The following ARNT2 variants were observed in gnomAD, a reference collection of about 807,000 sequenced individuals.
The protein encoded by ARNT2 is ARNT protein 2.
ARNT2 carries 36 observed loss-of-function variants against 91.7 expected under a neutral mutation model. The observed-to-expected ratio is 0.39, with a 90% CI of 0.30 to 0.52. ARNT2 has a LOEUF of 0.52. Ranked by LOEUF, ARNT2 falls within the 20% of genes least tolerant of loss-of-function variation. The pLI, the probability that ARNT2 is intolerant of heterozygous loss-of-function variation, is 0.72. For missense variants in ARNT2, 775 were observed against 939.3 expected, an observed-to-expected ratio of 0.83 and a Z score of 2.29; for synonymous variants, 365 against 347.1, an observed-to-expected ratio of 1.05 and a Z score of -0.57.
At chr15:80,423,738 T>C (rs1895893577) in intron 1 of ARNT2, among the ~76,000 whole-genome samples, 1 of 150,556 alleles carries the variant, frequency 6.6e-6, no homozygotes, top group Admixed American at 6.7e-5. Context: ...CTTTTGATGA[T>C]ATTTTGTGTG....
chr15:80,424,319 C>T (rs532714817), intron 1 of ARNT2, among the ~76,000 whole-genome samples: 6 of 152,310 alleles, frequency 3.9e-5, no homozygotes, highest in Admixed American at 1.3e-4. Context: ...GTCTATGCCT[C>T]GTTGGCAAGG....
At chr15:80,592,189 T>C (rs960914378) in intron 18 of ARNT2, among the ~76,000 whole-genome samples, 2 of 152,146 alleles carry the variant, frequency 1.3e-5, no homozygotes, top group Non-Finnish European at 2.9e-5. Flanking sequence ...GAGTCCCCGA[T>C]TGAGGATACC....
intron 8 of ARNT2, among the ~76,000 whole-genome samples, chr15:80,520,099 A>T (rs1897515492): frequency 6.7e-6 from 1 of 150,100 alleles, no homozygotes; most frequent in Non-Finnish European, 1.5e-5. Flanking sequence ...TTCCCTTTGG[A>T]TTAGTGAGTT....
At chr15:80,412,445 C>T (rs1253817502) in intron 1 of ARNT2, among the ~76,000 whole-genome samples, 1 of 152,180 alleles carries the variant, frequency 6.6e-6, no homozygotes, top group East Asian at 1.9e-4. Context: ...AATTCTGCCA[C>T]CCATAACTAA....
chr15:80,584,772 G>C (rs921018927), intron 17 of ARNT2, among the ~76,000 whole-genome samples: 1 of 152,212 alleles, frequency 6.6e-6, no homozygotes, highest in Non-Finnish European at 1.5e-5. Context: ...AGCACCCCAC[G>C]GTACCTGGCC....
intron 5 of ARNT2, among the ~76,000 whole-genome samples, chr15:80,485,895 G>GA (rs1288425798): frequency 1.3e-5 from 2 of 152,202 alleles, no homozygotes; most frequent in Non-Finnish European, 2.9e-5. Context: ...GGTTGGGGAG[G>GA]AGTATAGTTT....
chr15:80,419,690 A>G (rs1202250385), intron 1 of ARNT2, among the ~76,000 whole-genome samples: 1 of 152,074 alleles, frequency 6.6e-6, no homozygotes, highest in Non-Finnish European at 1.5e-5. Context: ...TGGTTTTCTT[A>G]TCTATAACGT....
rs762786652 is a variant in ARNT2, at chr15:80,475,076, C to T, written c.475C>T (p.Arg159Ter). 9 of 1,614,094 alleles carry T rather than the reference C, an allele frequency of 5.6e-6. No individual in the cohort carries two copies. Among genetic ancestry groups the T allele is most frequent in the Non-Finnish European group, 6.8e-6 (8 of 1,180,032 alleles). The change falls in exon 5 of 19, where the codon CGA becomes TGA. Residue 159 changes from arginine to a stop codon, truncating the protein, a stop_gained. Transcript: ENST00000303329. LOFTEE classifies it high-confidence loss of function. ...GTTTGTGGTGGCTGCTGAGACAGGGCGAGTGATTTATGTGTCTGACTCCGT... is the reference window on the plus strand; with the variant it reads ...GTTTGTGGTGGCTGCTGAGACAGGGTGAGTGATTTATGTGTCTGACTCCGT... Reference protein sequence around the residue: ...FLFVVAAETGRVIYVSDSVTP... With the variant: ...FLFVVAAETG
intron 3 of ARNT2, among the ~76,000 whole-genome samples, chr15:80,463,540 T>A (rs1896593442): frequency 6.6e-6 from 1 of 151,626 alleles, no homozygotes. Flanking sequence ...GAGGGGTGGC[T>A]TTCTAACACC....
intron 10 of ARNT2, 75 bp from the exon 11 acceptor site, chr15:80,554,990 A>G (rs1898152010): frequency 1.4e-6 from 2 of 1,449,996 alleles, no homozygotes; most frequent in Non-Finnish European, 1.9e-6. Context: ...GGAAATGAAC[A>G]CTGTTGTATC....
intron 3 of ARNT2, among the ~76,000 whole-genome samples, chr15:80,460,275 C>A (rs1896533551): frequency 6.6e-6 from 1 of 152,070 alleles, no homozygotes; most frequent in Non-Finnish European, 1.5e-5. Flanking sequence ...TATCATGAGA[C>A]CTCATGTCTC....
intron 5 of ARNT2, among the ~76,000 whole-genome samples, chr15:80,507,666 G>A (rs919291041): frequency 1.4e-4 from 22 of 152,216 alleles, no homozygotes; most frequent in Non-Finnish European, 3.1e-4. Context: ...TGAGGTTGGA[G>A]CCTCCAGGGA....
chr15:80,539,831 G>A (rs1399971195), intron 8 of ARNT2, among the ~76,000 whole-genome samples: 2 of 150,832 alleles, frequency 1.3e-5, no homozygotes, highest in Non-Finnish European at 3.0e-5. Flanking sequence ...TCACAATGAG[G>A]TATTATCTCA....
Position 80,475,114 on chromosome 15 carries a change from G to A in ARNT2, c.513G>A (p.Leu171=). ...IYVSDSVTPV[L]NQPQSEWFGS... ...TGTCTGACTCCGTCACCCCTGTTCT[G>A]AACCAGCCCCAGTCAGAGTGGTTTG... Residue 171 remains leucine, a synonymous_variant, in exon 5 of 19, where the codon CTG becomes CTA. Coordinates refer to ENST00000303329, the MANE Select transcript of ARNT2 (RefSeq NM_014862.4). 1.2e-6 allele frequency: 2 copies of A among 1,614,190 alleles called. No individual in the cohort carries two copies. Among genetic ancestry groups the A allele is most frequent in the African/African-American group, 1.3e-5 (1 of 75,060 alleles).
intron 1 of ARNT2, among the ~76,000 whole-genome samples, chr15:80,418,235 C>T (rs1356100550): frequency 1.3e-5 from 2 of 152,180 alleles, no homozygotes; most frequent in African/African-American, 4.8e-5. Flanking sequence ...TCTGAGTCTG[C>T]TGGGTGTGTG....
In ARNT2 at chr15:80,570,839, T is replaced by C. The variant is rs186212175; in HGVS notation, c.1317-3309T>C. Among the ~76,000 whole-genome samples, 6 of 152,266 alleles carry C rather than the reference T, an allele frequency of 3.9e-5. No individual in the cohort carries two copies. In the East Asian group the frequency reaches 1.2e-3, roughly 29 times the overall value. On this transcript the variant is annotated intron_variant, in intron 12 of 18. Coordinates refer to ENST00000303329, the MANE Select transcript of ARNT2 (RefSeq NM_014862.4). ...TTCTGAGCAATCAGTCTGTCCCCGG[T>C]GCCTGGCAAAAGAGTTCCGTACAGT... is the stretch of plus-strand genomic sequence containing the variant.
intron 2 of ARNT2, among the ~76,000 whole-genome samples, chr15:80,457,674 G>C (rs555887950): frequency 6.6e-6 from 1 of 152,348 alleles, no homozygotes; most frequent in Admixed American, 6.5e-5. Context: ...TAGAGTTCTG[G>C]AGGGGACTAG....
chr15:80,562,004 T>A (rs949662509), intron 11 of ARNT2, among the ~76,000 whole-genome samples: 1 of 152,122 alleles, frequency 6.6e-6, no homozygotes, highest in Non-Finnish European at 1.5e-5. Context: ...ATTCCAAGCA[T>A]CCACTGGGGG....
chr15:80,577,737 C>T (rs1898704511), intron 15 of ARNT2, among the ~76,000 whole-genome samples: 1 of 152,346 alleles, frequency 6.6e-6, no homozygotes, highest in Non-Finnish European at 1.5e-5. Flanking sequence ...GAGAGAGGCC[C>T]CTGCCACGGG....
Sources: gnomAD v4.1 joint callset for allele counts (sites outside exome capture counted in the v4.1 genomes callset) on GRCh38, gnomAD v4.1.1 for gene constraint, MANE v1.5 for transcripts, NCBI Gene and HGNC (gene_info 2026-07-23, HGNC 2026-07-21) for gene names.